The following AGMO variants were observed in gnomAD, a reference collection of about 807,000 sequenced individuals.
AGMO encodes glyceryl-ether monooxygenase.
In AGMO, 75 loss-of-function variants were observed where a neutral mutation model predicts 60.2. That is an observed-to-expected ratio of 1.25 (90% confidence interval 1.03 to 1.51). The LOEUF is 1.51. AGMO is among the 40% of genes most tolerant of loss of function. AGMO has a pLI of 0.00. For missense variants in AGMO, 763 were observed against 525.5 expected (o/e 1.45, Z -4.42); for synonymous variants, 261 against 177.1 (o/e 1.47, Z -3.76).
the AGMO span, among the ~76,000 whole-genome samples, chr7:15,162,536 G>C: frequency 6.6e-6 from 1 of 151,888 alleles, no homozygotes; most frequent in South Asian, 2.1e-4. Context: ...CTACAACAAA[G>C]ACAAATAATT....
chr7:15,431,405 A>G (rs1781235747), intron 3 of AGMO, among the ~76,000 whole-genome samples: 1 of 151,884 alleles, frequency 6.6e-6, no homozygotes, highest in Admixed American at 6.6e-5. Flanking sequence ...CTTTGCTAAC[A>G]TATTATAATA....
intron 5 of AGMO, among the ~76,000 whole-genome samples, chr7:15,399,751 G>A (rs985466620): frequency 6.6e-6 from 1 of 152,036 alleles, no homozygotes; most frequent in East Asian, 1.9e-4. Flanking sequence ...CCATAAGACC[G>A]TCGTTATGTC....
intron 12 of AGMO, among the ~76,000 whole-genome samples, chr7:15,232,265 G>A (rs1040291288): frequency 6.6e-6 from 1 of 152,204 alleles, no homozygotes; most frequent in Non-Finnish European, 1.5e-5. Context: ...CAAGACATGG[G>A]AAGTGGAGGT....
intron 12 of AGMO, among the ~76,000 whole-genome samples, chr7:15,332,270 G>A (rs1441942177): frequency 6.6e-6 from 1 of 152,058 alleles, no homozygotes; most frequent in Admixed American, 6.6e-5. Context: ...CTCCCTATCA[G>A]GACTCCCCTC....
At chr7:15,359,404 G>GT (rs1261562119) in intron 12 of AGMO, among the ~76,000 whole-genome samples, 2 of 150,744 alleles carry the variant, frequency 1.3e-5, no homozygotes, top group South Asian at 2.1e-4. Context: ...CTAATGTGTG[G>GT]TTTTCTATTA....
At chr7:15,395,928 T>A (rs186879483) in intron 5 of AGMO, 6 of 152,168 alleles carry the variant, frequency 3.9e-5, no homozygotes, top group African/African-American at 1.4e-4. Context: ...GCTTGTGGCA[T>A]CACATCCCCT....
intron 5 of AGMO, among the ~76,000 whole-genome samples, chr7:15,414,142 G>C (rs907735572): frequency 6.6e-6 from 1 of 151,912 alleles, no homozygotes; most frequent in Non-Finnish European, 1.5e-5. Context: ...CAGGTAGAAG[G>C]AACTACAGGT....
rs147260621 is a variant in AGMO, at chr7:15,481,227, T to C, written c.410-50119A>G. On this transcript the variant is annotated intron_variant, in intron 3 of 12. Coordinates refer to ENST00000342526, the MANE Select transcript of AGMO (RefSeq NM_001004320.2). ...AGCTGACATTTTTAATACAAAATGT[T>C]TTATTGCCAGGATCCTATCTGCATG... is the stretch of plus-strand genomic sequence containing the variant. 3.9e-4 allele frequency among the ~76,000 whole-genome samples: 59 copies of C among 152,174 alleles called. No individual in the cohort carries two copies. The East Asian group carries it at 8.1e-3, about 21-fold the overall frequency.
intron 12 of AGMO, among the ~76,000 whole-genome samples, chr7:15,317,182 A>C (rs1161885999): frequency 6.6e-6 from 1 of 152,178 alleles, no homozygotes; most frequent in Non-Finnish European, 1.5e-5. Context: ...AATCAAGGAA[A>C]CATTTCAGTA....
At chr7:15,243,481 T>C (rs1782654706) in intron 12 of AGMO, among the ~76,000 whole-genome samples, 1 of 152,150 alleles carries the variant, frequency 6.6e-6, no homozygotes, top group African/African-American at 2.4e-5. Flanking sequence ...AATCTCTGTT[T>C]TTCTAGTGTT....
intron 5 of AGMO, among the ~76,000 whole-genome samples, chr7:15,401,674 T>C (rs1184407213): frequency 6.6e-6 from 1 of 152,172 alleles, no homozygotes; most frequent in Non-Finnish European, 1.5e-5. Context: ...GCATCTATGG[T>C]TAATTGTAAA....
In AGMO at chr7:15,268,153, C is replaced by T. The variant is rs180982941; in HGVS notation, c.1264-66794G>A. ...TCATATTAGGTTCCCTTTCTGATTG[C>T]CTGTTATTAATATGTAATGAAAAAA... On this transcript the variant is annotated intron_variant, in intron 12 of 12. Coordinates refer to ENST00000342526, the MANE Select transcript of AGMO (RefSeq NM_001004320.2). Among the ~76,000 whole-genome samples, 426 of 151,906 alleles carry T rather than the reference C, an allele frequency of 2.8e-3. 1 individual carries two copies. Among genetic ancestry groups the T allele is most frequent in the Non-Finnish European group, 4.5e-3 (308 of 67,846 alleles).
intron 5 of AGMO, among the ~76,000 whole-genome samples, chr7:15,394,530 A>G (rs1289941682): frequency 6.6e-6 from 1 of 152,182 alleles, no homozygotes; most frequent in Non-Finnish European, 1.5e-5. Context: ...TAACATATCT[A>G]CATAATAACG....
At chr7:15,387,334 T>C (rs565380546) in intron 9 of AGMO, 72 bp downstream of exon 9, 3 of 1,525,312 alleles carry the variant, frequency 2.0e-6, no homozygotes, top group South Asian at 1.2e-5. Context: ...AAACAGCGTA[T>C]GTACAGGCTG....
At chr7:15,416,262 G>C (rs927159337) in intron 5 of AGMO, among the ~76,000 whole-genome samples, 15 of 151,994 alleles carry the variant, frequency 9.9e-5, no homozygotes, top group Non-Finnish European at 2.2e-4. Context: ...ACAAACTCCT[G>C]ACCTCAGGTG....
the AGMO span, among the ~76,000 whole-genome samples, chr7:15,157,237 A>G: frequency 6.6e-6 from 1 of 152,106 alleles, no homozygotes; most frequent in Non-Finnish European, 1.5e-5. Context: ...TCTCTCTTTT[A>G]TCAAATGAGG....
chr7:15,211,970 G>C (rs1218338906), intron 12 of AGMO, among the ~76,000 whole-genome samples: 1 of 151,966 alleles, frequency 6.6e-6, no homozygotes, highest in Non-Finnish European at 1.5e-5. Context: ...CGAATTGACA[G>C]CAGAACTGCA....
chr7:15,185,473 C>T, the AGMO span, among the ~76,000 whole-genome samples: 1 of 152,116 alleles, frequency 6.6e-6, no homozygotes, highest in African/African-American at 2.4e-5. Flanking sequence ...AATCCCTGAA[C>T]GTGCTTGACA....
In AGMO at chr7:15,547,068, C is replaced by T. The variant is rs1374263538; in HGVS notation, c.258-2145G>A. Among the ~76,000 whole-genome samples the T allele has an allele frequency of 2.6e-5, 4 of 152,256 alleles. No homozygotes were observed. The East Asian group carries it at 7.7e-4, about 29-fold the overall frequency. ...ATTTCTCTAAAATAGGAATTCTTAA[C>T]CTTAACACTATTACAATTTGGGCCA... On this transcript the variant is annotated intron_variant, in intron 2 of 12. Coordinates refer to ENST00000342526, the MANE Select transcript of AGMO (RefSeq NM_001004320.2).
Sources: gnomAD v4.1 joint callset for allele counts (sites outside exome capture counted in the v4.1 genomes callset) on GRCh38, gnomAD v4.1.1 for gene constraint, MANE v1.5 for transcripts, NCBI Gene and HGNC (gene_info 2026-07-23, HGNC 2026-07-21) for gene names.